HELZ: variants seen among roughly 807,000 people sequenced by gnomAD.
HELZ encodes ATP-dependent RNA helicase with zinc finger domain.
HELZ carries 23 observed loss-of-function variants against 218.2 expected under a neutral mutation model. That is an observed-to-expected ratio of 0.11 (90% CI 0.08 to 0.15). The LOEUF (loss-of-function observed/expected upper bound fraction) is 0.15, where lower values mean the gene tolerates loss of function less well. Among genes scored for constraint, HELZ ranks in the 10% least tolerant of loss-of-function variants. HELZ has a pLI of 1.00. For missense variants in HELZ, 1,813 were observed against 2,353.7 expected (o/e 0.77, Z 4.75); for synonymous variants, 814 against 829.4 (o/e 0.98, Z 0.32).
At chr17:67,128,953 C>A in intron 23 of HELZ, 98 bp from the exon 24 acceptor site, 2 of 901,260 alleles carry the variant, frequency 2.2e-6, no homozygotes, top group Non-Finnish European at 1.8e-6. Context: ...CCACCCCCAA[C>A]CTCAAATCCT....
At chr17:67,090,281 C>G (rs1380073126) in intron 31 of HELZ, among the ~76,000 whole-genome samples, 1 of 152,144 alleles carries the variant, frequency 6.6e-6, no homozygotes, top group South Asian at 2.1e-4. Flanking sequence ...ATAGTATATT[C>G]TTTTCATATA....
At chr17:67,223,968 G>T (rs963456378) in intron 3 of HELZ, among the ~76,000 whole-genome samples, 4 of 152,172 alleles carry the variant, frequency 2.6e-5, no homozygotes, top group Non-Finnish European at 5.9e-5. Flanking sequence ...AACGTTAGTT[G>T]TTCTGCCACC....
chr17:67,158,235 C>T (rs527679887), intron 17 of HELZ, among the ~76,000 whole-genome samples: 51 of 152,286 alleles, frequency 3.3e-4, no homozygotes, highest in Admixed American at 5.9e-4. Flanking sequence ...GCAAACTCTT[C>T]ATGAGCCTTG....
chr17:67,078,380 G>A lies in HELZ; in HGVS notation c.5701C>T (p.Arg1901Trp), dbSNP rs201212218. 5 of 1,609,964 alleles carry A rather than the reference G, an allele frequency of 3.1e-6. No homozygotes were observed. Among genetic ancestry groups the A allele is most frequent in the African/African-American group, 2.7e-5 (2 of 74,750 alleles). ...KPAMSYASAL[R>W]APPKPRPPPE... ...GGGGGCCTGGGCTTTGGAGGGGCCC[G>A]CAGAGCGCTGGCATAGGACATGGCG... is the stretch of plus-strand genomic sequence containing the variant. The change falls in exon 33 of 33, where the codon CGG becomes TGG. Residue 1901 changes from arginine (R) to tryptophan (W), a missense_variant. Physicochemically the swap from Arg to Trp is moderately radical, Grantham distance 101. Transcript: ENST00000358691.
chr17:67,109,371 G>A lies in HELZ; in HGVS notation c.4234C>T (p.Pro1412Ser), dbSNP rs2143754052. ...GAAAGCTGAGGAGGTGGCTGCTGAG[G>A]CTGCTGATTCAACTGACTTTGCTGC... Reference protein sequence around the residue: ...VQQQSQLNQQPQQPPPQLSPA... With the variant: ...VQQQSQLNQQSQQPPPQLSPA... The change falls in exon 29 of 33, where the codon CCT (proline) becomes TCT (serine). Residue 1412 changes from proline to serine, a missense_variant. Around this residue, in one of 4 missense-constraint regions of HELZ, gnomAD observed 938 missense variants for 1,027.5 expected, o/e 0.91. Coordinates refer to ENST00000358691, the MANE Select transcript of HELZ (RefSeq NM_014877.4). 1 of 1,614,194 alleles carries A rather than the reference G, an allele frequency of 6.2e-7. No individual in the cohort carries two copies. The highest frequency in any genetic ancestry group is 8.5e-7 in the Non-Finnish European group (1 of 1,180,040).
chr17:67,204,593 A>G (rs1428933013), intron 5 of HELZ, among the ~76,000 whole-genome samples: 1 of 152,168 alleles, frequency 6.6e-6, no homozygotes, highest in Admixed American at 6.5e-5. Context: ...AATAATTCCA[A>G]TTATTAACTA....
chr17:67,152,021 A>C (rs906179331), intron 17 of HELZ, among the ~76,000 whole-genome samples: 1 of 152,188 alleles, frequency 6.6e-6, no homozygotes, highest in Non-Finnish European at 1.5e-5. Flanking sequence ...GCCAACAGAG[A>C]GTTCCAACAG....
chr17:67,162,270 T>TA (rs1391129578), intron 15 of HELZ, among the ~76,000 whole-genome samples: 1 of 152,124 alleles, frequency 6.6e-6, no homozygotes, highest in Non-Finnish European at 1.5e-5. Flanking sequence ...ATATAACTGT[T>TA]ATATTATGAC....
intron 31 of HELZ, among the ~76,000 whole-genome samples, chr17:67,094,398 A>C (rs879754661): frequency 6.6e-4 from 100 of 151,792 alleles, no homozygotes; most frequent in South Asian, 3.8e-3. Flanking sequence ...TGAGAGAGAG[A>C]GAGAGAGAGA....
chr17:67,076,464 T>A lies in HELZ; in HGVS notation c.*1788A>T, dbSNP rs1242200247. On this transcript the variant is annotated 3_prime_UTR_variant, in exon 33 of 33. Transcript: ENST00000358691. ...GCTAACCATTAACACGTCTGCAGTT[T>A]ACAAGTCTATGTCTGCCACCTTACA... The A allele has an allele frequency of 1.3e-5, 2 of 152,262 alleles. No homozygotes were observed. Among genetic ancestry groups the A allele is most frequent in the Non-Finnish European group, 2.9e-5 (2 of 68,054 alleles). The allele number at this position is 152,262 out of a possible 1,614,324, so 9.4% of individuals were successfully genotyped here. A position where few individuals can be genotyped will look rare whatever the true frequency, so the allele number is the denominator to read the frequency against.
upstream of HELZ, chr17:67,245,348 C>G (rs1023676659): frequency 1.4e-6 from 1 of 706,768 alleles, no homozygotes; most frequent in Non-Finnish European, 1.7e-6. Context: ...CAGCTGGCCC[C>G]TTCCCCTCCC....
At chr17:67,128,565 A>C in intron 24 of HELZ, 86 bp downstream of exon 24, 1 of 1,188,210 alleles carries the variant, frequency 8.4e-7, no homozygotes. Context: ...CCAACACTTA[A>C]AGTAACTTGC....
chr17:67,135,831 C>T (rs1237072474), intron 23 of HELZ, 139 bp downstream of exon 23: 14 of 650,634 alleles, frequency 2.2e-5, no homozygotes, highest in Admixed American at 5.9e-5. Flanking sequence ...AAGTAATATG[C>T]TTTTGTGTTC....
intron 31 of HELZ, among the ~76,000 whole-genome samples, chr17:67,102,403 TC>T (rs2036958071): frequency 6.6e-6 from 1 of 152,232 alleles, no homozygotes; most frequent in Admixed American, 6.5e-5. Context: ...GCCATGTATT[TC>T]ATTTGTCACA....
At chr17:67,174,917 C>T (rs1027181246) in intron 13 of HELZ, among the ~76,000 whole-genome samples, 3 of 152,160 alleles carry the variant, frequency 2.0e-5, no homozygotes, top group Non-Finnish European at 4.4e-5. Flanking sequence ...GATCTGACCA[C>T]GATGTCACAA....
At chr17:67,106,130 G>A (rs1005933307) in intron 31 of HELZ, among the ~76,000 whole-genome samples, 10 of 151,712 alleles carry the variant, frequency 6.6e-5, no homozygotes, top group Non-Finnish European at 1.0e-4. Context: ...GACTACAACC[G>A]GCTTTACACA....
intron 32 of HELZ, among the ~76,000 whole-genome samples, chr17:67,086,425 C>CA (rs2036374442): frequency 6.6e-6 from 1 of 150,836 alleles, no homozygotes; most frequent in Non-Finnish European, 1.5e-5. Flanking sequence ...TCTCTAGATA[C>CA]AAAAAATTAG....
chr17:67,088,227 T>C (rs929431554), intron 31 of HELZ, among the ~76,000 whole-genome samples: 35 of 152,336 alleles, frequency 2.3e-4, no homozygotes, highest in African/African-American at 8.4e-4. Flanking sequence ...GCCCCTTTCT[T>C]TTTCCTCTTT....
At chr17:67,096,354 G>C (rs1465596069) in intron 31 of HELZ, among the ~76,000 whole-genome samples, 2 of 152,162 alleles carry the variant, frequency 1.3e-5, no homozygotes, top group Non-Finnish European at 2.9e-5. Flanking sequence ...AGCTGCATTA[G>C]TTCCTAACAA....
Sources: gnomAD v4.1 joint callset for allele counts (sites outside exome capture counted in the v4.1 genomes callset) on GRCh38, gnomAD v4.1.1 for gene constraint, gnomAD v4.1.1 regional missense constraint, MANE v1.5 for transcripts, NCBI Gene and HGNC (gene_info 2026-07-23, HGNC 2026-07-21) for gene names.